CNBD1: variants seen among roughly 807,000 people sequenced by gnomAD.
CNBD1 encodes the protein cyclic nucleotide binding domain containing 1, also known as cyclic nucleotide-binding domain-containing protein 1.
In CNBD1, 71 loss-of-function variants were observed where a neutral mutation model predicts 54.4. The observed-to-expected ratio is 1.30, with a 90% CI of 1.08 to 1.59. The LOEUF is 1.59. CNBD1 is among the 40% of genes most tolerant of loss of function. The pLI, the probability that CNBD1 is intolerant of heterozygous loss-of-function variation, is 0.00. For synonymous variants in CNBD1, 182 were observed against 170.7 expected, an observed-to-expected ratio of 1.07 and a Z score of -0.51; for missense variants, 659 against 518.0, an observed-to-expected ratio of 1.27 and a Z score of -2.64.
intron 6 of CNBD1, among the ~76,000 whole-genome samples, chr8:87,250,517 G>A (rs535977823): frequency 3.2e-4 from 49 of 152,222 alleles, no homozygotes; most frequent in Non-Finnish European, 5.1e-4. Context: ...AGATACATCC[G>A]CACTCCCATG....
chr8:87,253,578 C>T (rs1291560799), intron 6 of CNBD1, among the ~76,000 whole-genome samples: 2 of 152,108 alleles, frequency 1.3e-5, no homozygotes, highest in Non-Finnish European at 2.9e-5. Flanking sequence ...TCTCATAGTA[C>T]CCAAGTGCCA....
At position 87,408,797 on chromosome 8, in the gene CNBD1, G is replaced by A. The variant is rs1257927735; in HGVS notation, c.214-19749G>A. Among the ~76,000 whole-genome samples, 19 of 152,018 alleles carry A rather than the reference G, an allele frequency of 1.2e-4. 1 individual carries two copies. Among genetic ancestry groups the A allele is most frequent in the Admixed American group, 1.1e-3 (17 of 15,238 alleles). ...TCATTATTATTACATCTTTTATCGT[G>A]ATCTGGGATTAGTGATCTTTGATGT... is the stretch of plus-strand genomic sequence containing the variant. On this transcript the variant is annotated intron_variant, in intron 2 of 7. Transcript: ENST00000521593.
downstream of CNBD1, among the ~76,000 whole-genome samples, chr8:87,383,274 T>C (rs1047927740): frequency 3.3e-5 from 5 of 152,042 alleles, no homozygotes; most frequent in African/African-American, 9.7e-5. Flanking sequence ...ATGCTTCATA[T>C]TGTAGTATAG....
At chr8:86,884,332 G>A (rs2131783093) in intron 1 of CNBD1, among the ~76,000 whole-genome samples, 1 of 152,258 alleles carries the variant, frequency 6.6e-6, no homozygotes, top group African/African-American at 2.4e-5. Flanking sequence ...GTCTCTGTCA[G>A]TGTGCCAGCA....
chr8:87,413,677 A>C (rs991474256), intron 2 of CNBD1, among the ~76,000 whole-genome samples: 3 of 152,084 alleles, frequency 2.0e-5, no homozygotes, highest in African/African-American at 7.2e-5. Context: ...ATTTACAAGA[A>C]AAAAACAAGC....
chr8:87,343,279 ATGT>A (rs1416483976), intron 8 of CNBD1, among the ~76,000 whole-genome samples: 2 of 152,156 alleles, frequency 1.3e-5, no homozygotes, highest in Admixed American at 1.3e-4. Context: ...GTCAGATTTC[ATGT>A]TGTTCAAACA....
At chr8:87,026,859 A>C (rs1809658455) in intron 4 of CNBD1, among the ~76,000 whole-genome samples, 1 of 152,230 alleles carries the variant, frequency 6.6e-6, no homozygotes, top group Non-Finnish European at 1.5e-5. Flanking sequence ...GAGAAGACAC[A>C]CAAACCAAGA....
intron 10 of CNBD1, among the ~76,000 whole-genome samples, chr8:87,368,682 G>T (rs940451358): frequency 3.9e-5 from 6 of 151,900 alleles, no homozygotes; most frequent in African/African-American, 1.2e-4. Flanking sequence ...GAGAGAAAGA[G>T]AAAGATAGCA....
intron 4 of CNBD1, among the ~76,000 whole-genome samples, chr8:87,047,963 G>T (rs773767119): frequency 6.6e-5 from 10 of 152,170 alleles, no homozygotes; most frequent in Non-Finnish European, 1.0e-4. Context: ...TCAGTGTAAG[G>T]TGCCTGACTT....
rs189896082 is a variant in CNBD1, at chr8:86,874,194, T to C, written c.88+7611T>C. Among the ~76,000 whole-genome samples, 168 of 152,354 alleles carry C rather than the reference T, an allele frequency of 1.1e-3. No homozygotes were observed. In the Middle Eastern group the frequency reaches 0.017, roughly 15 times the overall value. On this transcript the variant is annotated intron_variant, in intron 1 of 10. Coordinates refer to ENST00000518476, the MANE Select transcript of CNBD1 (RefSeq NM_173538.3). ...TTTTCTTCAGATTGCTTTGACTCTT[T>C]AGGATCTTGCTGTCTTGTCTCTTCA...
downstream of CNBD1, among the ~76,000 whole-genome samples, chr8:87,386,990 T>A (rs201074673): frequency 2.6e-5 from 4 of 152,158 alleles, no homozygotes; most frequent in Non-Finnish European, 5.9e-5. Context: ...CCCAGTATTT[T>A]ATATCCAGCC....
At chr8:86,876,478 C>G (rs1443626883) in intron 1 of CNBD1, among the ~76,000 whole-genome samples, 2 of 151,426 alleles carry the variant, frequency 1.3e-5, no homozygotes, top group Non-Finnish European at 3.0e-5. Context: ...TTTAGATATG[C>G]CTGTGGTTTA....
intron 10 of CNBD1, among the ~76,000 whole-genome samples, chr8:87,369,768 C>T (rs1184776220): frequency 6.6e-6 from 1 of 151,724 alleles, no homozygotes. Context: ...GGTACATGTG[C>T]ACAATGTGCC....
intron 6 of CNBD1, among the ~76,000 whole-genome samples, chr8:87,253,446 G>A (rs1807950703): frequency 6.6e-6 from 1 of 152,150 alleles, no homozygotes; most frequent in African/African-American, 2.4e-5. Flanking sequence ...GGGTCGTGAG[G>A]TCTAGAAAGC....
intron 2 of CNBD1, among the ~76,000 whole-genome samples, chr8:87,401,453 C>T (rs747926951): frequency 1.3e-5 from 2 of 152,054 alleles, no homozygotes; most frequent in Non-Finnish European, 2.9e-5. Context: ...CCAAGGAATG[C>T]CCTTCAGTGC....
At chr8:87,384,986 G>A (rs539418284), downstream of CNBD1, among the ~76,000 whole-genome samples, 3 of 152,284 alleles carry the variant, frequency 2.0e-5, no homozygotes, top group African/African-American at 7.2e-5. Flanking sequence ...AATTCTGAAT[G>A]AAACAGAAAG....
chr8:87,194,666 A>G (rs1813677725), intron 4 of CNBD1, among the ~76,000 whole-genome samples: 1 of 152,146 alleles, frequency 6.6e-6, no homozygotes. Context: ...TAATATGTGT[A>G]TCTTTCTACA....
intron 2 of CNBD1, among the ~76,000 whole-genome samples, chr8:86,891,727 C>A (rs1048395268): frequency 1.3e-5 from 2 of 151,888 alleles, no homozygotes; most frequent in Non-Finnish European, 2.9e-5. Context: ...ACATGGATAT[C>A]CTTCTATTTA....
rs35767745 is a variant in CNBD1, at chr8:87,307,098, T to G, written c.1042+20427T>G. ...ATCTACATCTAAATAGAAGATATTA[T>G]TTTGCAACTCAATGTTTAGATCTTT... On this transcript the variant is annotated intron_variant, in intron 8 of 10. Coordinates refer to ENST00000518476, the MANE Select transcript of CNBD1 (RefSeq NM_173538.3). Among the ~76,000 whole-genome samples, 935 of 152,310 alleles carry G rather than the reference T, an allele frequency of 6.1e-3. 9 individuals carry two copies. The highest frequency in any genetic ancestry group is 9.8e-3 in the Non-Finnish European group (665 of 68,018).
Sources: allele counts gnomAD v4.1 joint callset (sites outside exome capture counted in the v4.1 genomes callset), GRCh38; gene constraint gnomAD v4.1.1; transcripts MANE v1.5; gene names NCBI Gene and HGNC (gene_info 2026-07-23, HGNC 2026-07-21).